The following NCAPH2 variants were observed in gnomAD, a reference collection of about 807,000 sequenced individuals.
The protein encoded by NCAPH2 is non-SMC condensin II complex subunit H2.
NCAPH2 carries 56 observed loss-of-function variants against 88.6 expected under a neutral mutation model. That is an observed-to-expected ratio of 0.63 (90% CI 0.51 to 0.79). The LOEUF is 0.79. NCAPH2 is among the 30% of genes least tolerant of loss of function. NCAPH2 has a pLI of 0.00. For missense variants in NCAPH2, 794 were observed against 792.0 expected (o/e 1.00, Z -0.03); for synonymous variants, 378 against 313.6 (o/e 1.21, Z -2.17).
At chr22:50,521,065 C>G (rs1416793271) in intron 10 of NCAPH2, 29 bp downstream of exon 10, 2 of 1,547,734 alleles carry the variant, frequency 1.3e-6, no homozygotes, top group Non-Finnish European at 8.7e-7. Context: ...TGACCCCCGG[C>G]AGGGAGGGAT....
chr22:50,524,542 A>G lies in NCAPH2; in HGVS notation c.*1167A>G, dbSNP rs2148672998. ...AGGACCCAGCCCACGTTCAGGCTTA[A>G]CAGGCATTTGCAGCTGCTCACCTGA... On this transcript the variant is annotated 3_prime_UTR_variant, in exon 20 of 20. Transcript: ENST00000420993. 1 of 923,254 alleles carries G rather than the reference A, an allele frequency of 1.1e-6. No homozygotes were observed. Among genetic ancestry groups the G allele is most frequent in the East Asian group, 2.6e-5 (1 of 38,136 alleles). The allele number at this position is 923,254 out of a possible 1,614,324, so 57.2% of individuals were successfully genotyped here.
At chr22:50,521,674 G>C (rs919679353) in intron 11 of NCAPH2, 65 bp downstream of exon 11, 2 of 1,611,030 alleles carry the variant, frequency 1.2e-6, no homozygotes, top group African/African-American at 1.3e-5. Context: ...CATGAGGTGG[G>C]GGGGTGGGAG....
At chr22:50,522,318 C>G (rs1469390565) in intron 14 of NCAPH2, 25 bp from the exon 15 acceptor site, 8 of 1,603,674 alleles carry the variant, frequency 5.0e-6, no homozygotes, top group African/African-American at 1.3e-5. Context: ...TGACAGTGCC[C>G]CTCACAGATG....
chr22:50,517,456 G>A lies in NCAPH2; in HGVS notation c.240G>A (p.Gln80=), dbSNP rs745977314. ...AATACCTCTACTCACTCGTCTACCA[G>A]GCCCTTGATTTCATCTCTGGAAAGA... ...KVEYLYSLVY[Q]ALDFISGKRR... is the part of the protein sequence containing the mutation. Residue 80 remains glutamine, a synonymous_variant, in exon 3 of 20, where the codon CAG becomes CAA. Coordinates refer to ENST00000420993, the MANE Select transcript of NCAPH2 (RefSeq NM_152299.4). The A allele has an allele frequency of 6.2e-7, 1 of 1,614,076 alleles. No homozygotes were observed. Among genetic ancestry groups the A allele is most frequent in the Non-Finnish European group, 8.5e-7 (1 of 1,180,032 alleles).
intron 13 of NCAPH2, 24 bp downstream of exon 13, chr22:50,522,063 G>T: frequency 6.2e-7 from 1 of 1,613,908 alleles, no homozygotes; most frequent in Non-Finnish European, 8.5e-7. Flanking sequence ...CCTCGGGGAA[G>T]ACAGTTTTAC....
rs145100473 is a variant in NCAPH2 at position 50,524,071 on chromosome 22, C to T, written c.*696C>T. On this transcript the variant is annotated 3_prime_UTR_variant, in exon 20 of 20. Coordinates refer to ENST00000420993, the MANE Select transcript of NCAPH2 (RefSeq NM_152299.4). ...CTGGCCCCGGAAGTCAGCCTTGCAG[C>T]GAGCCCGGCCTCTGTGATCCAGCAG... 636 of 1,613,244 alleles carry T rather than the reference C, an allele frequency of 3.9e-4. 7 individuals are homozygous for T. The highest frequency in any genetic ancestry group is 3.7e-3 in the Admixed American group (220 of 60,026).
intron 1 of NCAPH2, among the ~76,000 whole-genome samples, chr22:50,513,852 T>A (rs932785568): frequency 6.6e-6 from 1 of 151,340 alleles, no homozygotes; most frequent in South Asian, 2.1e-4. Context: ...CTGTGGAGAG[T>A]TTGGGGGGCT....
intron 1 of NCAPH2, chr22:50,515,607 A>G (rs527435897): frequency 7.3e-5 from 55 of 756,226 alleles, no homozygotes; most frequent in African/African-American, 7.2e-4. Flanking sequence ...CGTGTTAGCC[A>G]GGATGGTCTC....
rs138217022 is a variant in NCAPH2, at chr22:50,513,181, C to A, written c.109-3266C>A. Among the ~76,000 whole-genome samples, 818 of 152,382 alleles carry A rather than the reference C, an allele frequency of 5.4e-3. 9 individuals carry two copies. Among genetic ancestry groups the A allele is most frequent in the African/African-American group, 0.019 (783 of 41,592 alleles). On this transcript the variant is annotated intron_variant, in intron 1 of 19. Transcript: ENST00000420993. ...TACTCTGAATGATAGTGGTTCCTGG[C>A]AGATCAGAATCCAGCCTCCACCCCT...
chr22:50,514,815 T>G (rs947215585), intron 1 of NCAPH2, among the ~76,000 whole-genome samples: 2 of 152,226 alleles, frequency 1.3e-5, no homozygotes, highest in Non-Finnish European at 2.9e-5. Flanking sequence ...GTGACTCCCC[T>G]TGGGGATGGC....
At chr22:50,519,425 C>G in intron 9 of NCAPH2, 105 bp downstream of exon 9, 1 of 1,497,722 alleles carries the variant, frequency 6.7e-7, no homozygotes, top group South Asian at 1.3e-5. Flanking sequence ...GGCCTTGGCC[C>G]CAGACCACTG....
rs1460484235 is a variant in NCAPH2, at chr22:50,521,784, A to T, written c.1044A>T (p.Gly348=). The change falls in exon 12 of 20, where the codon GGA becomes GGT. Residue 348 remains glycine (G), a synonymous_variant. Transcript: ENST00000420993. ...SVPPCVEEAL[G]QKRKRKGAAK... ...CCCCCTGTGTGGAGGAGGCTCTGGG[A>T]CAGAAGCGCAAGAGGAAGGGCGCTG... 6.2e-7 allele frequency: 1 copy of T among 1,613,866 alleles called. No individual in the cohort carries two copies. Among genetic ancestry groups the T allele is most frequent in the Non-Finnish European group, 8.5e-7 (1 of 1,180,024 alleles).
In NCAPH2 at chr22:50,523,309, G is replaced by A. The variant is rs932283644; in HGVS notation, c.1752G>A (p.Leu584=). 21 of 1,595,644 alleles carry A rather than the reference G, an allele frequency of 1.3e-5. No homozygotes were observed. The highest frequency in any genetic ancestry group is 1.7e-5 in the Non-Finnish European group (20 of 1,171,220). The change falls in exon 20 of 20, where the codon CTG becomes CTA. Residue 584 remains leucine (L), a synonymous_variant. Coordinates refer to ENST00000420993, the MANE Select transcript of NCAPH2 (RefSeq NM_152299.4). ...EMAVDTMSLR[L]LTHQRAHKRF... The stretch of plus-strand genomic sequence containing the variant: ...CCGTGGACACCATGTCCCTGAGACT[G>A]CTCACGCACCAGCGAGCGCACAAGC...
In NCAPH2 at chr22:50,515,685, C is replaced by T. The variant is rs555189119; in HGVS notation, c.109-762C>T. 1,843 of 1,252,874 alleles carry T rather than the reference C, an allele frequency of 1.5e-3. 10 individuals are homozygous for T. In the African/African-American group the frequency reaches 0.017, roughly 11 times the overall value. The allele number at this position is 1,252,874 out of a possible 1,614,324, so 77.6% of individuals were successfully genotyped here. On this transcript the variant is annotated intron_variant, in intron 1 of 19. Coordinates refer to ENST00000420993, the MANE Select transcript of NCAPH2 (RefSeq NM_152299.4). ...TGCTGGGATTACAGGTGTGAGCCAC[C>T]GCACCCGGCCTTTTTTTTTTTTTTT...
At position 50,517,422 on chromosome 22, in the gene NCAPH2, A is replaced by G; in HGVS notation, c.211-5A>G. The G allele has an allele frequency of 1.9e-6, 3 of 1,613,968 alleles. No individual in the cohort carries two copies. Among genetic ancestry groups the G allele is most frequent in the Non-Finnish European group, 1.7e-6 (2 of 1,179,998 alleles). On this transcript the variant is annotated splice_region_variant and splice_polypyrimidine_tract_variant and intron_variant, in intron 2 of 19. Transcript: ENST00000420993. ...GGGTCCTCACTGCCTGCATCTGGTC[A>G]CCAGGTGGAATACCTCTACTCACTC...
At chr22:50,517,078 G>A (rs1004722191) in intron 2 of NCAPH2, among the ~76,000 whole-genome samples, 4 of 152,168 alleles carry the variant, frequency 2.6e-5, no homozygotes, top group Admixed American at 6.5e-5. Flanking sequence ...GCAGGCCGTC[G>A]GCAGAGTGGG....
At position 50,523,933 on chromosome 22, in the gene NCAPH2, A is replaced by G. The variant is rs755433769; in HGVS notation, c.*558A>G. The G allele has an allele frequency of 9.3e-6, 15 of 1,612,836 alleles. No homozygotes were observed. The highest frequency in any genetic ancestry group is 5.5e-5 in the South Asian group (5 of 91,082). On this transcript the variant is annotated 3_prime_UTR_variant, in exon 20 of 20. Transcript: ENST00000420993. Reference sequence around the variant, plus strand: ...GTCCACAGTGATGAAGACAGGCTGCACTGGAGGCAAACCAGGCTCTGCTTC... The same window carrying G: ...GTCCACAGTGATGAAGACAGGCTGCGCTGGAGGCAAACCAGGCTCTGCTTC...
rs1177744851 is a variant in NCAPH2 at position 50,524,189 on chromosome 22, A to G, written c.*814A>G. The stretch of plus-strand genomic sequence containing the variant: ...TCCTTCTCAGCCCTCAGGGCCAGCC[A>G]GGCCCCACCGAGTCCAGCCCCGAAC... On this transcript the variant is annotated 3_prime_UTR_variant, in exon 20 of 20. Transcript: ENST00000420993. 1.2e-6 allele frequency: 2 copies of G among 1,608,770 alleles called. No homozygotes were observed. The highest frequency in any genetic ancestry group is 8.5e-7 in the Non-Finnish European group (1 of 1,179,904).
At chr22:50,508,546 T>A in intron 1 of NCAPH2, 101 bp downstream of exon 1, 1 of 831,764 alleles carries the variant, frequency 1.2e-6, no homozygotes, top group Non-Finnish European at 1.7e-6. Flanking sequence ...TCTCCACGCC[T>A]ATGGCTATCT....
Sources: gnomAD v4.1 joint callset for allele counts (sites outside exome capture counted in the v4.1 genomes callset) on GRCh38, gnomAD v4.1.1 for gene constraint, MANE v1.5 for transcripts, NCBI Gene and HGNC (gene_info 2026-07-23, HGNC 2026-07-21) for gene names.